The following ZNF438 variants were observed in gnomAD, a reference collection of about 807,000 sequenced individuals.
ZNF438 encodes the protein zinc finger protein 438.
In ZNF438, 25 loss-of-function variants were observed where a neutral mutation model predicts 38.0. That is an observed-to-expected ratio of 0.66 (90% CI 0.48 to 0.92). The LOEUF is 0.92. ZNF438 is among the 40% of genes least tolerant of loss of function. ZNF438 has a pLI of 0.00. For missense variants in ZNF438, 1,007 were observed against 999.6 expected, an observed-to-expected ratio of 1.01 and a Z score of -0.10; for synonymous variants, 372 against 364.1, an observed-to-expected ratio of 1.02 and a Z score of -0.25.
chr10:30,990,967 T>A (rs1173084533), intron 1 of ZNF438, among the ~76,000 whole-genome samples: 3 of 151,826 alleles, frequency 2.0e-5, no homozygotes, highest in Non-Finnish European at 4.4e-5. Context: ...GGAAAAAAAA[T>A]TGTTTAAAAC....
At chr10:30,862,566 A>T (rs564431378) in intron 4 of ZNF438, among the ~76,000 whole-genome samples, 1 of 152,304 alleles carries the variant, frequency 6.6e-6, no homozygotes, top group South Asian at 2.1e-4. Flanking sequence ...TCAGTTCCCT[A>T]AGTGTTGGAA....
intron 1 of ZNF438, among the ~76,000 whole-genome samples, chr10:30,999,746 A>G (rs926045607): frequency 6.6e-6 from 1 of 152,200 alleles, no homozygotes; most frequent in African/African-American, 2.4e-5. Context: ...GATTTCTCAT[A>G]AGATACTTTA....
intron 3 of ZNF438, among the ~76,000 whole-genome samples, chr10:30,885,923 T>A (rs2039895247): frequency 6.6e-6 from 1 of 152,158 alleles, no homozygotes; most frequent in Non-Finnish European, 1.5e-5. Context: ...AGAACTGTTA[T>A]TTTAGAAGCA....
At chr10:31,011,354 C>T (rs2055683747) in intron 1 of ZNF438, among the ~76,000 whole-genome samples, 2 of 152,162 alleles carry the variant, frequency 1.3e-5, no homozygotes, top group Non-Finnish European at 2.9e-5. Flanking sequence ...CCCTCGGTTT[C>T]CCCTGGCTGA....
intron 1 of ZNF438, among the ~76,000 whole-genome samples, chr10:31,006,800 T>G (rs2055180958): frequency 1.3e-5 from 2 of 149,170 alleles, no homozygotes; most frequent in African/African-American, 2.5e-5. Flanking sequence ...CTCCCACACG[T>G]GTGATTACAA....
At position 30,910,952 on chromosome 10, in the gene ZNF438, T is replaced by C. The variant is rs919280965; in HGVS notation, c.-114-1937A>G. Among the ~76,000 whole-genome samples, 3 of 152,154 alleles carry C rather than the reference T, an allele frequency of 2.0e-5. 1 individual carries two copies. The highest frequency in any genetic ancestry group is 1.3e-4 in the Admixed American group (2 of 15,276). On this transcript the variant is annotated intron_variant, in intron 2 of 5. Coordinates refer to ENST00000413025, the Ensembl canonical transcript of ZNF438. ...CAAAATGTATCAAAATCTTAGAATA[T>C]GGTAGTTCAAGCAAATACATTTTCA...
At chr10:30,856,524 T>G (rs988220170) in intron 4 of ZNF438, among the ~76,000 whole-genome samples, 2 of 152,200 alleles carry the variant, frequency 1.3e-5, no homozygotes, top group Non-Finnish European at 2.9e-5. Context: ...AACAGTGGTT[T>G]ATTCCACTAC....
chr10:30,882,911 T>A (rs1420602637), intron 3 of ZNF438, among the ~76,000 whole-genome samples: 1 of 152,084 alleles, frequency 6.6e-6, no homozygotes, highest in Non-Finnish European at 1.5e-5. Flanking sequence ...TGGGAAAAAA[T>A]TTAAAAATTC....
intron 2 of ZNF438, among the ~76,000 whole-genome samples, chr10:30,911,529 G>T (rs1359055200): frequency 6.6e-6 from 1 of 152,078 alleles, no homozygotes; most frequent in East Asian, 1.9e-4. Flanking sequence ...CAGGAGAAAT[G>T]GACACATACA....
At chr10:30,964,998 TAAAC>T (rs2049953989) in intron 1 of ZNF438, among the ~76,000 whole-genome samples, 1 of 152,098 alleles carries the variant, frequency 6.6e-6, no homozygotes, top group Non-Finnish European at 1.5e-5. Flanking sequence ...ATCAACAGCA[TAAAC>T]AGACCTTACA....
intron 3 of ZNF438, among the ~76,000 whole-genome samples, chr10:30,901,856 G>A (rs907517905): frequency 2.0e-5 from 3 of 152,186 alleles, no homozygotes; most frequent in African/African-American, 7.2e-5. Context: ...GATGTGTTCA[G>A]AGTTTCTTCT....
intron 1 of ZNF438, among the ~76,000 whole-genome samples, chr10:30,986,321 C>T (rs533642858): frequency 7.2e-5 from 11 of 152,222 alleles, no homozygotes; most frequent in South Asian, 2.1e-4. Context: ...TGCACTTAGG[C>T]GCAATATACA....
intron 4 of ZNF438, among the ~76,000 whole-genome samples, chr10:30,868,835 T>A (rs1485342911): frequency 6.6e-6 from 1 of 152,250 alleles, no homozygotes; most frequent in African/African-American, 2.4e-5. Context: ...GGAAGTGTTG[T>A]GTCCCACAGT....
At chr10:30,948,322 A>G (rs2047703472) in intron 1 of ZNF438, among the ~76,000 whole-genome samples, 1 of 152,172 alleles carries the variant, frequency 6.6e-6, no homozygotes, top group South Asian at 2.1e-4. Context: ...GAAAAACTGG[A>G]AACTCTAAAA....
At chr10:30,982,099 CT>C (rs538801257) in intron 1 of ZNF438, among the ~76,000 whole-genome samples, 66 of 90,824 alleles carry the variant, frequency 7.3e-4, no homozygotes, top group East Asian at 1.1e-3. Context: ...TTTTCTCTTT[CT>C]TTTTTTTTTT....
intron 3 of ZNF438, 122 bp from the exon 5 acceptor site, chr10:30,877,187 G>C (rs2038562543): frequency 2.1e-6 from 1 of 467,870 alleles, no homozygotes; most frequent in African/African-American, 2.0e-5. Context: ...TGAGTAATAA[G>C]AAATGGATTG....
chr10:30,962,771 A>C lies in ZNF438; in HGVS notation c.-191-21120T>G, dbSNP rs375257041. 4.2e-5 allele frequency among the ~76,000 whole-genome samples: 5 copies of C among 118,126 alleles called. No individual in the cohort carries two copies. The East Asian group carries it at 9.7e-4, about 23-fold the overall frequency. The allele number at this position is 118,126 out of a possible 152,430, so 77.5% of individuals were successfully genotyped here. On this transcript the variant is annotated intron_variant, in intron 1 of 5. Transcript: ENST00000413025. ...CTGAACAACTGTGGATATTCAGAGA[A>C]ACATGCACAAGGTCACATCAATTTG... is the stretch of plus-strand genomic sequence containing the variant.
chr10:30,872,613 G>C (rs980886886), intron 4 of ZNF438, among the ~76,000 whole-genome samples: 5 of 151,062 alleles, frequency 3.3e-5, no homozygotes, highest in African/African-American at 1.2e-4. Context: ...AGCCGGGGGT[G>C]GGGGCAGGCA....
At chr10:30,918,571 C>T (rs1366694698) in intron 2 of ZNF438, among the ~76,000 whole-genome samples, 2 of 152,156 alleles carry the variant, frequency 1.3e-5, no homozygotes, top group East Asian at 1.9e-4. Context: ...TCTCAGGGTG[C>T]CTCCATCGCA....
Sources: gnomAD v4.1 joint callset for allele counts (sites outside exome capture counted in the v4.1 genomes callset) on GRCh38, gnomAD v4.1.1 for gene constraint, MANE v1.5 for transcripts, NCBI Gene and HGNC (gene_info 2026-07-23, HGNC 2026-07-21) for gene names.